WARS1: variants seen among roughly 807,000 people sequenced by gnomAD.
WARS1 encodes the protein tryptophanyl-tRNA synthetase 1.
WARS1 carries 17 observed loss-of-function variants against 47.8 expected under a neutral mutation model. The observed-to-expected ratio is 0.36, with a 90% CI of 0.24 to 0.53. WARS1 has a LOEUF of 0.53. Among genes scored for constraint, WARS1 ranks in the 20% least tolerant of loss-of-function variants. The pLI is 0.91. For synonymous variants in WARS1, 208 were observed against 228.1 expected (o/e 0.91, Z 0.79); for missense variants, 434 against 608.0 (o/e 0.71, Z 3.01).
chr14:100,337,620 G>C lies in WARS1; in HGVS notation c.1114-418C>G, dbSNP rs569581408. Among the ~76,000 whole-genome samples the C allele has an allele frequency of 8.6e-5, 13 of 151,904 alleles. No individual in the cohort carries two copies. The South Asian group carries it at 2.7e-3, about 32-fold the overall frequency. On this transcript the variant is annotated intron_variant, in intron 9 of 10. Coordinates refer to ENST00000392882, the MANE Select transcript of WARS1 (RefSeq NM_004184.4). ...AATCTCAGCATTTTGGGAGGCTGAG[G>C]GGGGAGGATCGATTGAGGCCAGGAG...
chr14:100,337,565 G>A (rs1475037578), intron 9 of WARS1, among the ~76,000 whole-genome samples: 1 of 151,904 alleles, frequency 6.6e-6, no homozygotes, highest in Non-Finnish European at 1.5e-5. Flanking sequence ...AAAAGGATGG[G>A]TAAGGCCAGA....
chr14:100,334,169 G>C lies in WARS1; in HGVS notation c.*706C>G, dbSNP rs1271479049. 1 of 152,638 alleles carries C rather than the reference G, an allele frequency of 6.6e-6. No homozygotes were observed. Among genetic ancestry groups the C allele is most frequent in the Admixed American group, 6.5e-5 (1 of 15,278 alleles). 9.5% of individuals were successfully genotyped at this position (152,638 alleles called of 1,614,324 possible). On this transcript the variant is annotated 3_prime_UTR_variant, in exon 11 of 11. Coordinates refer to ENST00000392882, the MANE Select transcript of WARS1 (RefSeq NM_004184.4). ...TAGGGTCATTTGGCAGGAGAACACT[G>C]GTGTGCCAAGGGAAGCGAGCATGAT...
intron 7 of WARS1, among the ~76,000 whole-genome samples, chr14:100,345,973 C>A (rs1894591433): frequency 6.6e-6 from 1 of 152,242 alleles, no homozygotes; most frequent in Admixed American, 6.5e-5. Context: ...GTGAACGCTC[C>A]TCACGGAGAG....
intron 2 of WARS1, chr14:100,365,660 TGTTCTA>T (rs1437802600): frequency 1.1e-5 from 2 of 179,298 alleles, no homozygotes; most frequent in Non-Finnish European, 2.4e-5. Flanking sequence ...GAAATGCTTA[TGTTCTA>T]GTTAAAGATG....
At chr14:100,366,887 C>G in intron 2 of WARS1, 2 of 1,609,140 alleles carry the variant, frequency 1.2e-6, no homozygotes, top group South Asian at 2.2e-5. Context: ...TGAATATTAC[C>G]TGGAGTCCCT....
intron 4 of WARS1, among the ~76,000 whole-genome samples, chr14:100,360,057 T>C (rs1256021732): frequency 6.6e-6 from 1 of 152,202 alleles, no homozygotes; most frequent in African/African-American, 2.4e-5. Flanking sequence ...AACCTGCCCA[T>C]ATCTTGACGT....
At chr14:100,361,020 T>C (rs892645112) in intron 3 of WARS1, among the ~76,000 whole-genome samples, 8 of 152,074 alleles carry the variant, frequency 5.3e-5, no homozygotes, top group African/African-American at 1.9e-4. Flanking sequence ...TATTTGTTTA[T>C]TAAGGTAAAA....
chr14:100,353,420 T>C (rs1230227412), intron 6 of WARS1, among the ~76,000 whole-genome samples: 1 of 92,472 alleles, frequency 1.1e-5, no homozygotes, highest in African/African-American at 3.7e-5. Context: ...CCAACTAATT[T>C]TTGTATTTTC....
chr14:100,334,809 C>T lies in WARS1; in HGVS notation c.*66G>A, dbSNP rs1893594354. ...AAGCCTACAGGTGGCGGTGCTTTGA[C>T]TGGGCTGGGATTATTGATACATTAC... On this transcript the variant is annotated 3_prime_UTR_variant, in exon 11 of 11. Transcript: ENST00000392882. 2 of 1,571,550 alleles carry T rather than the reference C, an allele frequency of 1.3e-6. No individual in the cohort carries two copies. The highest frequency in any genetic ancestry group is 1.7e-6 in the Non-Finnish European group (2 of 1,154,024).
At position 100,346,853 on chromosome 14, in the gene WARS1, AGACAAC is replaced by A; in HGVS notation, c.726-13_726-8del. On this transcript the variant is annotated splice_polypyrimidine_tract_variant and splice_region_variant and intron_variant, in intron 6 of 10. Coordinates refer to ENST00000392882, the MANE Select transcript of WARS1 (RefSeq NM_004184.4). ...GTAGAAACCTGAGCTCATCCTGCAA[AGACAAC>A]GAGAATGAAATCCCAAACGGAGGGC... 1.9e-6 allele frequency: 3 copies of A among 1,610,780 alleles called. No individual in the cohort carries two copies. Among genetic ancestry groups the A allele is most frequent in the Non-Finnish European group, 2.5e-6 (3 of 1,177,180 alleles).
intron 10 of WARS1, 55 bp downstream of exon 10, chr14:100,337,007 T>C (rs992161514): frequency 2.5e-6 from 4 of 1,592,380 alleles, no homozygotes; most frequent in Admixed American, 3.4e-5. Context: ...CCAGGCCCCA[T>C]GGGCAGGAGT....
intron 10 of WARS1, 46 bp from the exon 11 acceptor site, chr14:100,335,082 T>C (rs1246434093): frequency 6.3e-7 from 1 of 1,593,534 alleles, no homozygotes; most frequent in Non-Finnish European, 8.6e-7. Context: ...CCACATGTCC[T>C]GAGTGGCTCC....
chr14:100,336,911 A>T (rs1893771609), intron 10 of WARS1, 151 bp downstream of exon 10: 1 of 1,090,326 alleles, frequency 9.2e-7, no homozygotes. Flanking sequence ...CAGGCCTAAA[A>T]ACCATGAGGG....
intron 7 of WARS1, among the ~76,000 whole-genome samples, 177 bp from the exon 8 acceptor site, chr14:100,343,564 C>T (rs7142222): frequency 0.033 from 4,957 of 152,052 alleles, 115 homozygotes; most frequent in East Asian, 0.078. Flanking sequence ...TGATTTCATC[C>T]ATTTTCTTTA....
intron 2 of WARS1, among the ~76,000 whole-genome samples, chr14:100,362,368 G>A (rs1272079465): frequency 3.9e-5 from 6 of 152,142 alleles, no homozygotes; most frequent in Non-Finnish European, 8.8e-5. Context: ...AGGTTGAGAT[G>A]AATATTTACG....
intron 2 of WARS1, among the ~76,000 whole-genome samples, chr14:100,363,942 A>G (rs947105917): frequency 2.0e-5 from 3 of 151,948 alleles, no homozygotes; most frequent in Non-Finnish European, 4.4e-5. Context: ...TGATGTTCAG[A>G]AAAAAAAGCC....
intron 9 of WARS1, among the ~76,000 whole-genome samples, chr14:100,341,087 G>A (rs376289903): frequency 2.0e-5 from 3 of 151,812 alleles, no homozygotes; most frequent in East Asian, 3.9e-4. Context: ...GTTAATTTTT[G>A]TATTTTTAGT....
At chr14:100,360,509 A>T (rs1895594716) in intron 4 of WARS1, 45 bp downstream of exon 4, 1 of 1,482,064 alleles carries the variant, frequency 6.7e-7, no homozygotes, top group African/African-American at 1.4e-5. Context: ...TTTTGAACTA[A>T]AAGAAGAGGA....
rs532703361 is a variant in WARS1 at position 100,335,184 on chromosome 14, C to T, written c.1255-148G>A. The stretch of plus-strand genomic sequence containing the variant: ...GAAGTGAGATCTGTTGTTACCACAA[C>T]AATAACCTATACCTTCAGCTACACT... On this transcript the variant is annotated intron_variant, in intron 10 of 10. Transcript: ENST00000392882. 7.0e-4 allele frequency: 481 copies of T among 687,924 alleles called. 2 individuals carry two copies. The highest frequency in any genetic ancestry group is 1.7e-4 in the Non-Finnish European group (72 of 418,540). 42.6% of individuals were successfully genotyped at this position (687,924 alleles called of 1,614,324 possible).
Sources: gnomAD v4.1 joint callset for allele counts (sites outside exome capture counted in the v4.1 genomes callset) on GRCh38, gnomAD v4.1.1 for gene constraint, MANE v1.5 for transcripts, NCBI Gene and HGNC (gene_info 2026-07-23, HGNC 2026-07-21) for gene names.